The following OR6K3 variants were observed in gnomAD, a reference collection of about 807,000 sequenced individuals.
OR6K3 encodes olfactory receptor family 6 subfamily K member 3, also known as olfactory receptor 6K3.
For synonymous variants in OR6K3, 169 were observed against 137.7 expected (o/e 1.23, Z -1.59); for missense variants, 396 against 382.5 (o/e 1.04, Z -0.29).
upstream of OR6K3, among the ~76,000 whole-genome samples, chr1:158,721,072 G>A (rs911031951): frequency 5.3e-5 from 8 of 151,936 alleles, no homozygotes; most frequent in Non-Finnish European, 1.0e-4. Context: ...CATGATCCTG[G>A]CCTTCTTATA....
chr1:158,723,131 T>C (rs2101987896), upstream of OR6K3, among the ~76,000 whole-genome samples: 1 of 152,144 alleles, frequency 6.6e-6, no homozygotes, highest in South Asian at 2.1e-4. Context: ...TTTTAGAAAA[T>C]TAATTTCTAG....
intron 1 of OR6K3, among the ~76,000 whole-genome samples, chr1:158,719,645 A>G (rs1487081760): frequency 1.3e-5 from 2 of 152,060 alleles, no homozygotes; most frequent in African/African-American, 2.4e-5. Flanking sequence ...ATGCCAGAAA[A>G]AAAATTGCTA....
In OR6K3 at chr1:158,717,290, T is replaced by C. The variant is rs1309059839; in HGVS notation, c.826A>G (p.Met276Val). The change falls in exon 2 of 2, where the codon ATG (methionine) becomes GTG (valine). Residue 276 changes from methionine to valine, a missense_variant. Coordinates refer to ENST00000368145, the MANE Select transcript of OR6K3 (RefSeq NM_001005327.3). ...PPVLDTAIAL[M>V]FTVLAPFFNP... is the part of the protein sequence containing the mutation. ...AAGAATGGAGCAAGTACAGTAAACA[T>C]CAGTGCAATGGCTGTGTCCAAAACT... is the stretch of plus-strand genomic sequence containing the variant. The C allele has an allele frequency of 6.2e-7, 1 of 1,613,644 alleles. No individual in the cohort carries two copies. Among genetic ancestry groups the C allele is most frequent in the Non-Finnish European group, 8.5e-7 (1 of 1,179,694 alleles).
intron 1 of OR6K3, 136 bp downstream of exon 1, chr1:158,720,547 C>A (rs1405108792): frequency 6.6e-6 from 1 of 152,004 alleles, no homozygotes; most frequent in Non-Finnish European, 1.5e-5. Flanking sequence ...CCTGTAAATA[C>A]CTTTGCCTTC....
chr1:158,717,499 AT>A lies in OR6K3; in HGVS notation c.616del (p.Ile206SerfsTer6), dbSNP rs779062799. Reference sequence around the variant, plus strand: ...GGCAATGATTAGGAAGGTAATGATGATGGTCACAGCATGAATCACATCCTCA... The same window carrying A: ...GGCAATGATTAGGAAGGTAATGATGAGGTCACAGCATGAATCACATCCTCA... ...LIEDVIHAVT[I>X]IITFLIIALS... On this transcript the variant is annotated frameshift_variant, in exon 2 of 2. Coordinates refer to ENST00000368145, the MANE Select transcript of OR6K3 (RefSeq NM_001005327.3). LOFTEE classifies it low-confidence loss of function (END_TRUNC). The A allele has an allele frequency of 1.1e-5, 17 of 1,613,774 alleles. No homozygotes were observed. The African/African-American group carries it at 1.7e-4, about 16-fold the overall frequency.
chr1:158,718,321 C>G (rs1199747914), intron 1 of OR6K3, among the ~76,000 whole-genome samples, 189 bp from the exon 2 acceptor site: 3 of 142,924 alleles, frequency 2.1e-5, no homozygotes, highest in African/African-American at 7.7e-5. Flanking sequence ...TTTTTTGTAT[C>G]AAACATTGGA....
upstream of OR6K3, chr1:158,724,882 T>A (rs1571574054): frequency 4.6e-6 from 1 of 216,850 alleles, no homozygotes; most frequent in East Asian, 1.1e-4. Flanking sequence ...GATAAAATTA[T>A]ACATGGGGTT....
At position 158,717,827 on chromosome 1, in the gene OR6K3, AGCCAGTCATTGAGATG is replaced by A; in HGVS notation, c.273_288del (p.Ile92AlafsTer19). ...TGGAAGAAATACATCTGCAAGATGC[AGCCAGTCATTGAGATG>A]GCCTTCTTTTCACTGATGAGGTTGG... is the stretch of plus-strand genomic sequence containing the variant. On this transcript the variant is annotated frameshift_variant, in exon 2 of 2. Transcript: ENST00000368145. LOFTEE classifies it low-confidence loss of function (END_TRUNC). The A allele has an allele frequency of 1.2e-6, 2 of 1,613,864 alleles. No homozygotes were observed. The highest frequency in any genetic ancestry group is 1.7e-6 in the Non-Finnish European group (2 of 1,179,832).
rs747598192 is a variant in OR6K3, at chr1:158,717,283, G to A, written c.833C>T (p.Thr278Ile). ...VLDTAIALMF[T>I]VLAPFFNPII... ...GGGATTGAAGAATGGAGCAAGTACA[G>A]TAAACATCAGTGCAATGGCTGTGTC... The change falls in exon 2 of 2, where the codon ACT becomes ATT. Residue 278 changes from threonine (T) to isoleucine (I), a missense_variant. Thr to Ile is a moderately conservative substitution (Grantham distance 89, BLOSUM62 -1). Transcript: ENST00000368145. 4 of 1,613,684 alleles carry A rather than the reference G, an allele frequency of 2.5e-6. No homozygotes were observed. The South Asian group carries it at 3.3e-5, about 13-fold the overall frequency.
Position 158,717,846 on chromosome 1 carries a change from C to T in OR6K3, c.270G>A (p.Lys90=), listed in dbSNP as rs748300931. The T allele has an allele frequency of 6.2e-7, 1 of 1,613,754 alleles. No homozygotes were observed. The highest frequency in any genetic ancestry group is 8.5e-7 in the Non-Finnish European group (1 of 1,179,782). Residue 90 remains lysine (K), a synonymous_variant, in exon 2 of 2, where the codon AAG becomes AAA. Transcript: ENST00000368145. ...KMLSNLISEK[K]AISMTGCILQ... ...AGATGCAGCCAGTCATTGAGATGGC[C>T]TTCTTTTCACTGATGAGGTTGGAGA...
Position 158,717,880 on chromosome 1 carries a change from G to A in OR6K3, c.236C>T (p.Pro79Leu). 6.2e-7 allele frequency: 1 copy of A among 1,613,668 alleles called. No homozygotes were observed. Among genetic ancestry groups the A allele is most frequent in the East Asian group, 2.2e-5 (1 of 44,840 alleles). ...LEIWYTTATI[P>L]KMLSNLISEK... ...ACTGATGAGGTTGGAGAGCATCTTG[G>A]GAATGGTGGCTGTGGTGTACCAGAT... The change falls in exon 2 of 2, where the codon CCC (proline) becomes CTC (leucine). Residue 79 changes from proline to leucine, a missense_variant. Transcript: ENST00000368145.
At chr1:158,721,957 C>G (rs1656291398), upstream of OR6K3, among the ~76,000 whole-genome samples, 1 of 151,720 alleles carries the variant, frequency 6.6e-6, no homozygotes, top group African/African-American at 2.4e-5. Context: ...CTTCACAAAT[C>G]TCATCAAAAT....
In OR6K3 at chr1:158,717,551, A is replaced by G; in HGVS notation, c.565T>C (p.Cys189Arg). Reference protein sequence around the residue: ...CDLVPVLSLACTDTSMILIED... With the variant: ...CDLVPVLSLARTDTSMILIED... ...ATCAGAATCATGGACGTGTCTGTAC[A>G]GGCCAGGCTTAGCACAGGGACCAAG... is the stretch of plus-strand genomic sequence containing the variant. Residue 189 changes from cysteine to arginine, a missense_variant, in exon 2 of 2, where the codon TGT becomes CGT. Cys to Arg is a radical substitution (Grantham distance 180, BLOSUM62 -3). Coordinates refer to ENST00000368145, the MANE Select transcript of OR6K3 (RefSeq NM_001005327.3). The G allele has an allele frequency of 6.2e-7, 1 of 1,613,796 alleles. No individual in the cohort carries two copies. Among genetic ancestry groups the G allele is most frequent in the East Asian group, 2.2e-5 (1 of 44,846 alleles).
upstream of OR6K3, among the ~76,000 whole-genome samples, chr1:158,723,910 A>G (rs1656331295): frequency 6.6e-6 from 1 of 152,058 alleles, no homozygotes; most frequent in Non-Finnish European, 1.5e-5. Flanking sequence ...TTTCCTTTCT[A>G]TATTTTACCC....
upstream of OR6K3, among the ~76,000 whole-genome samples, chr1:158,723,227 G>GTCTATCTATTTA (rs1553243385): frequency 6.7e-6 from 1 of 150,216 alleles, no homozygotes; most frequent in African/African-American, 2.4e-5. Flanking sequence ...TTACCTATCT[G>GTCTATCTATTTA]TCTATCTATC....
chr1:158,722,865 CAG>C (rs1295626793), upstream of OR6K3, among the ~76,000 whole-genome samples: 1 of 151,920 alleles, frequency 6.6e-6, no homozygotes, highest in Non-Finnish European at 1.5e-5. Flanking sequence ...TTGATATAAA[CAG>C]AAATTATTTT....
upstream of OR6K3, chr1:158,724,645 C>A (rs912777835): frequency 8.7e-6 from 2 of 230,564 alleles, no homozygotes; most frequent in Non-Finnish European, 1.9e-5. Context: ...AACACAGAGC[C>A]CGGGGGTCAT....
In OR6K3 at chr1:158,717,361, C is replaced by A; in HGVS notation, c.755G>T (p.Gly252Val). Reference sequence around the variant, plus strand: ...ACGCAAGTACATGAGTGATACACTGCCAAAGAATATCGGGAAGACCATGAG... The same window carrying A: ...ACGCAAGTACATGAGTGATACACTGACAAAGAATATCGGGAAGACCATGAG... ...GHLMVFPIFF[G>V]SVSLMYLRFS... The change falls in exon 2 of 2, where the codon GGC becomes GTC. Residue 252 changes from glycine to valine, a missense_variant. Coordinates refer to ENST00000368145, the MANE Select transcript of OR6K3 (RefSeq NM_001005327.3). 1 of 1,613,642 alleles carries A rather than the reference C, an allele frequency of 6.2e-7. No individual in the cohort carries two copies. The highest frequency in any genetic ancestry group is 8.5e-7 in the Non-Finnish European group (1 of 1,179,756).
upstream of OR6K3, among the ~76,000 whole-genome samples, chr1:158,722,375 T>C (rs1254514630): frequency 6.6e-6 from 1 of 152,038 alleles, no homozygotes; most frequent in Non-Finnish European, 1.5e-5. Context: ...TAGCCTCAGT[T>C]TACCTGGATA....
Sources: gnomAD v4.1 joint callset for allele counts (sites outside exome capture counted in the v4.1 genomes callset) on GRCh38, gnomAD v4.1.1 for gene constraint, MANE v1.5 for transcripts, NCBI Gene and HGNC (gene_info 2026-07-23, HGNC 2026-07-21) for gene names.